MYO10: variants seen among roughly 807,000 people sequenced by gnomAD.
MYO10 encodes unconventional myosin-X.
Under a neutral mutation model 257.3 loss-of-function variants are expected in MYO10, and 133 were observed. The ratio of observed to expected loss-of-function variants is 0.52; its 90% CI spans 0.45 to 0.60. The LOEUF (loss-of-function observed/expected upper bound fraction) is 0.60, where lower values mean the gene tolerates loss of function less well. Among genes scored for constraint, MYO10 ranks in the 20% least tolerant of loss-of-function variants. The pLI, the probability that MYO10 is intolerant of heterozygous loss-of-function variation, is 0.00. For synonymous variants in MYO10, 1,104 were observed against 1,028.6 expected (o/e 1.07, Z -1.40); for missense variants, 2,399 against 2,635.7 (o/e 0.91, Z 1.97).
intron 19 of MYO10, among the ~76,000 whole-genome samples, chr5:16,732,964 TCTC>T (rs1298986831): frequency 6.6e-6 from 1 of 152,112 alleles, no homozygotes; most frequent in African/African-American, 2.4e-5. Flanking sequence ...CAAAACCCCA[TCTC>T]TACTAAAAGT....
intron 19 of MYO10, among the ~76,000 whole-genome samples, chr5:16,728,252 C>G (rs1356492358): frequency 1.3e-5 from 2 of 152,150 alleles, no homozygotes; most frequent in African/African-American, 4.8e-5. Flanking sequence ...GCCAGGGTCG[C>G]TTGTCTCCTC....
intron 1 of MYO10, among the ~76,000 whole-genome samples, chr5:16,922,648 C>T (rs1428588114): frequency 1.3e-5 from 2 of 152,100 alleles, no homozygotes; most frequent in African/African-American, 4.8e-5. Flanking sequence ...GGATCCTGGG[C>T]CAAGGCAAAG....
intron 1 of MYO10, among the ~76,000 whole-genome samples, chr5:16,921,030 A>C (rs1233021766): frequency 1.3e-5 from 2 of 152,066 alleles, no homozygotes. Context: ...AGGCAGGAGA[A>C]TTGCTTGAAC....
intron 21 of MYO10, 29 bp from the exon 22 acceptor site, chr5:16,704,714 G>C: frequency 6.4e-7 from 1 of 1,569,664 alleles, no homozygotes; most frequent in Non-Finnish European, 8.8e-7. Flanking sequence ...CATGTCAGAA[G>C]CAAAGAACAT....
chr5:16,807,684 C>T (rs1250842823), intron 3 of MYO10, among the ~76,000 whole-genome samples: 3 of 152,030 alleles, frequency 2.0e-5, no homozygotes, highest in African/African-American at 4.8e-5. Context: ...ACAATATTTC[C>T]GTCTTTCCAC....
intron 19 of MYO10, chr5:16,742,197 C>A (rs1740041309): frequency 2.0e-6 from 2 of 985,356 alleles, no homozygotes; most frequent in South Asian, 9.4e-5. Context: ...CTTGGAAAAT[C>A]CACCCAGAGA....
At chr5:16,806,024 TA>T (rs1314971257) in intron 3 of MYO10, among the ~76,000 whole-genome samples, 2 of 152,156 alleles carry the variant, frequency 1.3e-5, no homozygotes, top group Non-Finnish European at 2.9e-5. Context: ...TTGTGTATCT[TA>T]AATACAGCCA....
chr5:16,831,634 C>T (rs1743165413), intron 2 of MYO10, among the ~76,000 whole-genome samples: 1 of 152,136 alleles, frequency 6.6e-6, no homozygotes. Context: ...GAAAAACAAA[C>T]ATCGTATGTT....
intron 14 of MYO10, among the ~76,000 whole-genome samples, chr5:16,763,002 G>C (rs905871629): frequency 6.6e-6 from 1 of 150,814 alleles, no homozygotes; most frequent in Non-Finnish European, 1.5e-5. Context: ...GAATGTGTGC[G>C]TCCCAAACTA....
rs542537725 is a variant in MYO10 at position 16,702,948 on chromosome 5, C to A, written c.2487G>T (p.Lys829Asn). 6.4e-7 allele frequency: 1 copy of A among 1,551,668 alleles called. No individual in the cohort carries two copies. Among genetic ancestry groups the A allele is most frequent in the African/African-American group, 1.4e-5 (1 of 73,072 alleles). The stretch of plus-strand genomic sequence containing the variant: ...ACCTTTCTTCTTCCTCCCGTTTCTT[C>A]TTTTCTTCCTCTTCCTGTTTCTTCT... Reference protein sequence around the residue: ...EEKKKQEEEEKKKREEEERER... With the variant: ...EEKKKQEEEENKKREEEERER... The change falls in exon 23 of 41, where the codon AAG becomes AAT. Residue 829 changes from lysine (K) to asparagine (N), a missense_variant. Physicochemically the swap from Lys to Asn is moderately conservative, Grantham distance 94. This residue lies in a region of MYO10 where 1,820 missense variants were observed against 1,939.4 expected (regional missense o/e 0.94). Transcript: ENST00000513610.
At chr5:16,865,828 T>TAATAATAATAAC (rs1310504538) in intron 2 of MYO10, among the ~76,000 whole-genome samples, 4,767 of 150,778 alleles carry the variant, frequency 0.032, 264 homozygotes, top group African/African-American at 0.1. Flanking sequence ...ATAATAATAA[T>TAATAATAATAAC]AATAATAGTA....
intron 19 of MYO10, among the ~76,000 whole-genome samples, chr5:16,741,515 AT>A (rs1267205418): frequency 6.6e-6 from 1 of 152,218 alleles, no homozygotes; most frequent in Non-Finnish European, 1.5e-5. Context: ...TCAACCTAAT[AT>A]TAAAAAAGAA....
At chr5:16,685,698 C>G (rs750294051) in intron 29 of MYO10, 40 bp downstream of exon 29, 1 of 1,385,180 alleles carries the variant, frequency 7.2e-7, no homozygotes, top group South Asian at 1.2e-5. Context: ...CGTCCCTGCC[C>G]CTAGACGCCC....
At chr5:16,920,082 G>A (rs952314097) in intron 1 of MYO10, among the ~76,000 whole-genome samples, 3 of 152,106 alleles carry the variant, frequency 2.0e-5, no homozygotes, top group African/African-American at 7.2e-5. Context: ...CTGCACTCCA[G>A]CCTGGCAACA....
chr5:16,745,732 G>A lies in MYO10; in HGVS notation c.1929+9096C>T, dbSNP rs148079709. Among the ~76,000 whole-genome samples, 239 of 152,212 alleles carry A rather than the reference G, an allele frequency of 1.6e-3. 1 individual carries two copies. The highest frequency in any genetic ancestry group is 2.0e-3 in the Non-Finnish European group (134 of 68,020). On this transcript the variant is annotated intron_variant, in intron 19 of 40. Coordinates refer to ENST00000513610, the MANE Select transcript of MYO10 (RefSeq NM_012334.3). ...AATTAAAAAATTAAAAAAGCACCTG[G>A]CTACCTTTAAGTGTTAGGAAAGATT...
rs1318672915 is a variant in MYO10, at chr5:16,769,222, ATTTAAT to A, written c.931-25_931-20del. On this transcript the variant is annotated intron_variant, in intron 9 of 40. Transcript: ENST00000513610. ...TTGCCGTCTAGAAGAAAATAAATGT[ATTTAAT>A]TTTATGTCGTTTTTTCACACTGAAG... is the stretch of plus-strand genomic sequence containing the variant. 2 of 1,573,904 alleles carry A rather than the reference ATTTAAT, an allele frequency of 1.3e-6. No individual in the cohort carries two copies. The highest frequency in any genetic ancestry group is 1.2e-5 in the South Asian group (1 of 82,622).
At chr5:16,683,691 G>A (rs1012493331) in intron 30 of MYO10, among the ~76,000 whole-genome samples, 189 bp downstream of exon 30, 1 of 152,178 alleles carries the variant, frequency 6.6e-6, no homozygotes, top group African/African-American at 2.4e-5. Context: ...CCCAGAGAAG[G>A]AGACTTCCAG....
intron 2 of MYO10, among the ~76,000 whole-genome samples, chr5:16,828,316 GC>G (rs1450620804): frequency 6.6e-6 from 1 of 152,066 alleles, no homozygotes; most frequent in Non-Finnish European, 1.5e-5. Flanking sequence ...GAGGGTGGAT[GC>G]CCTGGGAATG....
intron 3 of MYO10, chr5:16,814,561 T>C (rs892005726): frequency 2.0e-5 from 3 of 152,126 alleles, no homozygotes; most frequent in Non-Finnish European, 4.4e-5. Flanking sequence ...CTTTTAAAGA[T>C]ATAGACAGGC....
Sources: allele counts gnomAD v4.1 joint callset (sites outside exome capture counted in the v4.1 genomes callset), GRCh38; gene constraint gnomAD v4.1.1; regional missense constraint gnomAD v4.1.1; transcripts MANE v1.5; gene names NCBI Gene and HGNC (gene_info 2026-07-23, HGNC 2026-07-21).